Variants in GRIP1 observed in about 807,000 individuals in gnomAD.
GRIP1 encodes glutamate receptor interacting protein 1.
GRIP1 carries 45 observed loss-of-function variants against 129.9 expected under a neutral mutation model. The ratio of observed to expected loss-of-function variants is 0.35; its 90% CI spans 0.27 to 0.44. GRIP1 has a LOEUF of 0.44. Ranked by LOEUF, GRIP1 falls within the 20% of genes least tolerant of loss-of-function variation. The probability of loss-of-function intolerance (pLI) is 1.00; values close to 1 mark genes in which losing one functional copy is unlikely to be tolerated. For missense variants in GRIP1, 1,196 were observed against 1,396.8 expected, an observed-to-expected ratio of 0.86 and a Z score of 2.29; for synonymous variants, 530 against 520.8, an observed-to-expected ratio of 1.02 and a Z score of -0.24.
At chr12:66,421,342 G>A (rs901141062) in intron 14 of GRIP1, among the ~76,000 whole-genome samples, 7 of 152,084 alleles carry the variant, frequency 4.6e-5, no homozygotes, top group East Asian at 1.9e-4. Context: ...TCAGAAGTTC[G>A]ACATCAGCTT....
intron 7 of GRIP1, among the ~76,000 whole-genome samples, chr12:66,505,860 T>C (rs984368649): frequency 1.3e-5 from 2 of 152,122 alleles, no homozygotes; most frequent in African/African-American, 4.8e-5. Context: ...ATAAGAAGAA[T>C]AGAATTATCC....
chr12:66,736,934 T>C (rs1212419320), intron 1 of GRIP1, among the ~76,000 whole-genome samples: 1 of 142,766 alleles, frequency 7.0e-6, no homozygotes, highest in African/African-American at 2.6e-5. Flanking sequence ...TTTTTTTTTT[T>C]GAAATTGTGT....
chr12:66,824,979 C>A (rs1592880538), intron 1 of GRIP1, among the ~76,000 whole-genome samples: 1 of 152,168 alleles, frequency 6.6e-6, no homozygotes, highest in East Asian at 1.9e-4. Flanking sequence ...CTCTTAATCC[C>A]TTGATAAACA....
intron 23 of GRIP1, among the ~76,000 whole-genome samples, chr12:66,362,644 T>C (rs1363266076): frequency 4.6e-5 from 7 of 151,850 alleles, no homozygotes; most frequent in African/African-American, 1.5e-4. Context: ...ATACGTACAT[T>C]TGATCACAAC....
chr12:66,878,583 T>C (rs755444082), intron 1 of GRIP1, among the ~76,000 whole-genome samples: 3 of 151,546 alleles, frequency 2.0e-5, no homozygotes, highest in Non-Finnish European at 2.9e-5. Context: ...CACTGAGGAG[T>C]TGGGACATAT....
At chr12:66,692,953 C>T (rs2035030810) in intron 1 of GRIP1, among the ~76,000 whole-genome samples, 1 of 152,154 alleles carries the variant, frequency 6.6e-6, no homozygotes, top group South Asian at 2.1e-4. Context: ...TAACATATAA[C>T]AAATGCTGGA....
intron 16 of GRIP1, among the ~76,000 whole-genome samples, chr12:66,401,609 TACACACACACACACAC>T (rs71096099): frequency 9.1e-6 from 1 of 110,174 alleles, no homozygotes; most frequent in Non-Finnish European, 1.8e-5. Context: ...TATATATATA[TACACACACACACACAC>T]ACACACACAC....
chr12:66,728,213 T>C lies in GRIP1; in HGVS notation c.-420+75840A>G, dbSNP rs897436514. 2.0e-5 allele frequency among the ~76,000 whole-genome samples: 3 copies of C among 152,232 alleles called. No individual in the cohort carries two copies. The East Asian group carries it at 5.8e-4, about 29-fold the overall frequency. On this transcript the variant is annotated intron_variant, in intron 1 of 4. Coordinates refer to the GRIP1 transcript ENST00000538373. ...ATACAAATTTCCTTATGTTACTTTT[T>C]AGGATTAGGTTTGGCTATAAGTGAC...
intron 1 of GRIP1, among the ~76,000 whole-genome samples, chr12:67,032,758 G>A: frequency 6.6e-6 from 1 of 152,092 alleles, no homozygotes; most frequent in East Asian, 1.9e-4. Flanking sequence ...GAAAAGCACA[G>A]ATCTCAATCA....
chr12:66,473,113 C>T (rs146770773), intron 7 of GRIP1, among the ~76,000 whole-genome samples: 9 of 152,128 alleles, frequency 5.9e-5, no homozygotes, highest in Non-Finnish European at 8.8e-5. Context: ...AGTCTAGAGT[C>T]GACTTGGGAT....
In GRIP1 at chr12:66,697,655, G is replaced by A. The variant is rs150484397; in HGVS notation, c.-419-67319C>T. ...GAGAAGCGTGCTAACTGGCTGCACT[G>A]AGCTGAGTCAGGCACAGGGATGAAA... is the stretch of plus-strand genomic sequence containing the variant. On this transcript the variant is annotated intron_variant, in intron 1 of 4. Transcript: ENST00000538373. Among the ~76,000 whole-genome samples the A allele has an allele frequency of 1.8e-3, 276 of 152,308 alleles. 2 individuals carry two copies. Among genetic ancestry groups the A allele is most frequent in the African/African-American group, 6.4e-3 (267 of 41,580 alleles).
chr12:66,426,671 G>C (rs2057997836), intron 14 of GRIP1, among the ~76,000 whole-genome samples: 1 of 152,104 alleles, frequency 6.6e-6, no homozygotes, highest in Non-Finnish European at 1.5e-5. Flanking sequence ...TAAAGAGTGT[G>C]GTCCTAAAGA....
intron 1 of GRIP1, among the ~76,000 whole-genome samples, chr12:66,597,870 G>C (rs1191385717): frequency 2.0e-5 from 3 of 152,058 alleles, no homozygotes; most frequent in African/African-American, 7.2e-5. Flanking sequence ...AATTGGGATG[G>C]TGGCATTTAT....
chr12:66,635,680 C>T (rs908402897), intron 1 of GRIP1, among the ~76,000 whole-genome samples: 1 of 151,840 alleles, frequency 6.6e-6, no homozygotes, highest in African/African-American at 2.4e-5. Flanking sequence ...AAAATTGCAA[C>T]ACATAAAAGA....
intron 1 of GRIP1, among the ~76,000 whole-genome samples, chr12:66,758,542 C>A (rs563879241): frequency 6.3e-4 from 96 of 152,250 alleles, no homozygotes; most frequent in African/African-American, 2.3e-3. Flanking sequence ...CAACAGTCCT[C>A]CAAAGTCTTA....
intron 1 of GRIP1, among the ~76,000 whole-genome samples, chr12:67,055,092 G>T (rs1054735999): frequency 6.6e-6 from 1 of 152,224 alleles, no homozygotes; most frequent in Non-Finnish European, 1.5e-5. Context: ...CTACTATGGA[G>T]TTAATACAGG....
At chr12:66,661,559 G>A (rs2033513269) in intron 1 of GRIP1, among the ~76,000 whole-genome samples, 1 of 151,698 alleles carries the variant, frequency 6.6e-6, no homozygotes, top group Non-Finnish European at 1.5e-5. Context: ...AGAGAATTTA[G>A]CATAATCTTT....
intron 7 of GRIP1, among the ~76,000 whole-genome samples, chr12:66,498,741 C>A (rs2138748166): frequency 6.6e-6 from 1 of 152,134 alleles, no homozygotes; most frequent in South Asian, 2.1e-4. Context: ...TTAAAACCAG[C>A]CAAATTACCC....
intron 1 of GRIP1, among the ~76,000 whole-genome samples, chr12:67,053,612 G>A (rs1592520818): frequency 6.6e-6 from 1 of 152,172 alleles, no homozygotes; most frequent in Middle Eastern, 3.4e-3. Flanking sequence ...GGCTGAGGCG[G>A]GTATATCACC....
Sources: gnomAD v4.1 joint callset for allele counts (sites outside exome capture counted in the v4.1 genomes callset) on GRCh38, gnomAD v4.1.1 for gene constraint, MANE v1.5 for transcripts, NCBI Gene and HGNC (gene_info 2026-07-23, HGNC 2026-07-21) for gene names.